The following FNDC3A variants were observed in gnomAD, a reference collection of about 807,000 sequenced individuals.
FNDC3A encodes the protein fibronectin type III domain containing 3A.
In FNDC3A, 32 loss-of-function variants were observed where a neutral mutation model predicts 148.9. That is an observed-to-expected ratio of 0.21 (90% CI 0.16 to 0.29). The LOEUF (loss-of-function observed/expected upper bound fraction) is 0.29. FNDC3A is among the 10% of genes least tolerant of loss of function. The pLI, the probability that FNDC3A is intolerant of heterozygous loss-of-function variation, is 1.00. For synonymous variants in FNDC3A, 472 were observed against 473.6 expected, an observed-to-expected ratio of 1.00 and a Z score of 0.04; for missense variants, 1,191 against 1,452.8, an observed-to-expected ratio of 0.82 and a Z score of 2.93.
chr13:49,161,217 G>A (rs1189934178), intron 8 of FNDC3A, among the ~76,000 whole-genome samples: 2 of 152,110 alleles, frequency 1.3e-5, no homozygotes, highest in Non-Finnish European at 2.9e-5. Context: ...GTTGACAGTG[G>A]GGTGTTAAAG....
chr13:49,188,625 C>A lies in FNDC3A; in HGVS notation c.1936C>A (p.Gln646Lys), dbSNP rs1484975584. The A allele has an allele frequency of 6.3e-7, 1 of 1,599,378 alleles. No individual in the cohort carries two copies. The highest frequency in any genetic ancestry group is 2.2e-5 in the East Asian group (1 of 44,784). The change falls in exon 17 of 26, where the codon CAG becomes AAG. Residue 646 changes from glutamine (Q) to lysine (K), a missense_variant. Coordinates refer to ENST00000492622, the MANE Select transcript of FNDC3A (RefSeq NM_001079673.2). ...AGTTTACTGCATCAGTGATGGAGGA[C>A]AGAGTGCGGTAATACTTATATGTAG... ...LRVYCISDGG[Q>K]SAVSESLLVQ...
chr13:49,039,603 T>G (rs1417212224), intron 2 of FNDC3A, among the ~76,000 whole-genome samples: 2 of 152,234 alleles, frequency 1.3e-5, no homozygotes, highest in Non-Finnish European at 2.9e-5. Context: ...GAGCATTAAA[T>G]TTTAGTCATA....
At chr13:49,008,029 A>T (rs181802204) in intron 2 of FNDC3A, among the ~76,000 whole-genome samples, 1 of 152,252 alleles carries the variant, frequency 6.6e-6, no homozygotes, top group East Asian at 1.9e-4. Flanking sequence ...AAATGGAGGT[A>T]ATAATATCTT....
chr13:49,072,022 A>C (rs570230274), intron 2 of FNDC3A, among the ~76,000 whole-genome samples: 74 of 152,294 alleles, frequency 4.9e-4, no homozygotes, highest in African/African-American at 1.6e-3. Context: ...TTTTAGCTTG[A>C]CATAATCCCA....
In FNDC3A at chr13:49,042,772, C is replaced by CA. The variant is rs1248473344; in HGVS notation, c.100-32508dup. Among the ~76,000 whole-genome samples the CA allele has an allele frequency of 5.3e-5, 8 of 150,404 alleles. No homozygotes were observed. In the South Asian group the frequency reaches 1.0e-3, roughly 20 times the overall value. On this transcript the variant is annotated intron_variant, in intron 2 of 25. Transcript: ENST00000492622. The stretch of plus-strand genomic sequence containing the variant: ...AGCCTAGGCAACAGAGACCCTGTCT[C>CA]AAAAAAAAATTAATTGTTGTTGTAA...
intron 1 of FNDC3A, among the ~76,000 whole-genome samples, chr13:48,981,965 A>G (rs137972718): frequency 1.3e-5 from 2 of 152,264 alleles, no homozygotes; most frequent in Non-Finnish European, 2.9e-5. Flanking sequence ...TGGTTTATGT[A>G]TATTCTAAAC....
intron 1 of FNDC3A, among the ~76,000 whole-genome samples, chr13:49,004,896 C>A (rs1384653415): frequency 6.6e-6 from 1 of 151,560 alleles, no homozygotes; most frequent in Non-Finnish European, 1.5e-5. Context: ...TCTCATAATT[C>A]TTTGTATATT....
At chr13:49,079,361 G>A (rs984406146) in intron 3 of FNDC3A, among the ~76,000 whole-genome samples, 1 of 152,204 alleles carries the variant, frequency 6.6e-6, no homozygotes, top group Admixed American at 6.5e-5. Flanking sequence ...TTGTATTACA[G>A]TATAAAAAGA....
intron 7 of FNDC3A, among the ~76,000 whole-genome samples, chr13:49,141,593 C>T (rs917619676): frequency 1.3e-5 from 2 of 152,078 alleles, no homozygotes; most frequent in African/African-American, 4.8e-5. Context: ...ATTAGATACT[C>T]TCATTTCTTT....
intron 1 of FNDC3A, among the ~76,000 whole-genome samples, chr13:48,989,795 A>G (rs1198713535): frequency 6.6e-6 from 1 of 151,110 alleles, no homozygotes; most frequent in Non-Finnish European, 1.5e-5. Context: ...CTCTTTTGCC[A>G]GGCTAGAGTG....
chr13:48,978,983 C>A (rs180692132), intron 1 of FNDC3A, among the ~76,000 whole-genome samples: 35 of 152,134 alleles, frequency 2.3e-4, no homozygotes, highest in African/African-American at 6.7e-4. Flanking sequence ...TATCTTTATT[C>A]TTACCTTTCT....
At chr13:49,104,242 T>TG (rs1177486449) in intron 3 of FNDC3A, among the ~76,000 whole-genome samples, 1 of 152,128 alleles carries the variant, frequency 6.6e-6, no homozygotes, top group African/African-American at 2.4e-5. Flanking sequence ...AATGTGATTT[T>TG]GGGGCCGGGC....
At chr13:49,109,959 T>C (rs1038778432) in intron 3 of FNDC3A, among the ~76,000 whole-genome samples, 2 of 152,194 alleles carry the variant, frequency 1.3e-5, no homozygotes, top group African/African-American at 4.8e-5. Context: ...TTATCTCAAA[T>C]GTTCTAAATG....
intron 2 of FNDC3A, among the ~76,000 whole-genome samples, chr13:49,008,971 C>T (rs998551514): frequency 1.3e-5 from 2 of 151,980 alleles, no homozygotes; most frequent in Non-Finnish European, 2.9e-5. Context: ...AATTAATGAA[C>T]CAGTATTGAT....
At chr13:49,001,341 G>C (rs540162902) in intron 1 of FNDC3A, among the ~76,000 whole-genome samples, 65 of 152,132 alleles carry the variant, frequency 4.3e-4, no homozygotes, top group African/African-American at 1.4e-3. Context: ...GATGTATGTC[G>C]CCTCAGGACC....
chr13:49,111,308 G>T (rs1880554739), intron 3 of FNDC3A, among the ~76,000 whole-genome samples: 1 of 152,180 alleles, frequency 6.6e-6, no homozygotes, highest in Admixed American at 6.5e-5. Context: ...TGTAAACGTT[G>T]TAGTTCTAAA....
chr13:49,032,660 C>A (rs1025554278), intron 2 of FNDC3A, among the ~76,000 whole-genome samples: 1 of 151,912 alleles, frequency 6.6e-6, no homozygotes, highest in South Asian at 2.1e-4. Context: ...GGCGTGAACC[C>A]GGGAGGCGGA....
At position 49,175,385 on chromosome 13, in the gene FNDC3A, C is replaced by G. The variant is rs1190924703; in HGVS notation, c.1374C>G (p.Val458=). 2 of 1,586,778 alleles carry G rather than the reference C, an allele frequency of 1.3e-6. No individual in the cohort carries two copies. The highest frequency in any genetic ancestry group is 1.7e-6 in the Non-Finnish European group (2 of 1,169,586). Residue 458 remains valine (V), a synonymous_variant, in exon 13 of 26, where the codon GTC becomes GTG. Transcript: ENST00000492622. ...TCAACAGTGGTTTTAGTGAAGAAGTCTTATATTACACCTCAGGCTGTGCTC... is the reference window on the plus strand; with the variant it reads ...TCAACAGTGGTTTTAGTGAAGAAGTGTTATATTACACCTCAGGCTGTGCTC... ...DYGTSGFSEE[V]LYYTSGCAPS...
intron 2 of FNDC3A, among the ~76,000 whole-genome samples, chr13:49,024,372 C>T (rs1873545871): frequency 6.6e-6 from 1 of 151,882 alleles, no homozygotes; most frequent in African/African-American, 2.4e-5. Context: ...CTAACCATTT[C>T]CATGAGGCAA....
Sources: allele counts gnomAD v4.1 joint callset (sites outside exome capture counted in the v4.1 genomes callset), GRCh38; gene constraint gnomAD v4.1.1; transcripts MANE v1.5; gene names NCBI Gene and HGNC (gene_info 2026-07-23, HGNC 2026-07-21).